Variants in GXYLT2 observed in about 807,000 individuals in gnomAD.
The protein encoded by GXYLT2 is glycosyltransferase 8 domain containing 4.
GXYLT2 carries 53 observed loss-of-function variants against 45.8 expected under a neutral mutation model. That is an observed-to-expected ratio of 1.16 (90% confidence interval 0.93 to 1.46). The LOEUF (loss-of-function observed/expected upper bound fraction) is 1.46, where lower values mean the gene tolerates loss of function less well. GXYLT2 is among the 40% of genes most tolerant of loss of function. The pLI is 0.00. For synonymous variants in GXYLT2, 219 were observed against 214.2 expected (o/e 1.02, Z -0.19); for missense variants, 551 against 544.4 (o/e 1.01, Z -0.12).
intron 6 of GXYLT2, among the ~76,000 whole-genome samples, chr3:72,972,818 G>A (rs565417232): frequency 7.0e-4 from 106 of 151,750 alleles, no homozygotes; most frequent in Non-Finnish European, 1.3e-3. Context: ...CCAGCTACTG[G>A]GTGGGGAGGG....
chr3:72,949,081 A>G (rs955997522), intron 3 of GXYLT2, among the ~76,000 whole-genome samples: 3 of 152,116 alleles, frequency 2.0e-5, no homozygotes, highest in African/African-American at 7.2e-5. Context: ...GCGAGGAAGC[A>G]AGGATGACCT....
In GXYLT2 at chr3:72,957,361, T is replaced by G; in HGVS notation, c.976+9T>G. On this transcript the variant is annotated intron_variant, in intron 5 of 6. Coordinates refer to ENST00000389617, the MANE Select transcript of GXYLT2 (RefSeq NM_001080393.2). ...TTTTTATTTCAACCCAGGTAGGTTATCTTTGGAGAATGCCTTTTGTGTAGG... is the reference window on the plus strand; with the variant it reads ...TTTTTATTTCAACCCAGGTAGGTTAGCTTTGGAGAATGCCTTTTGTGTAGG... 1 of 1,593,176 alleles carries G rather than the reference T, an allele frequency of 6.3e-7. No homozygotes were observed. The highest frequency in any genetic ancestry group is 2.3e-5 in the East Asian group (1 of 43,354).
intron 1 of GXYLT2, among the ~76,000 whole-genome samples, chr3:72,898,199 T>C (rs1281751975): frequency 6.6e-6 from 1 of 152,214 alleles, no homozygotes; most frequent in Non-Finnish European, 1.5e-5. Flanking sequence ...AATCCCTTGA[T>C]GGCCTGAGGC....
At chr3:72,910,930 C>A (rs1709605026) in intron 2 of GXYLT2, among the ~76,000 whole-genome samples, 1 of 152,118 alleles carries the variant, frequency 6.6e-6, no homozygotes, top group Non-Finnish European at 1.5e-5. Context: ...TTAATGAGTA[C>A]CTGCTGCATA....
At chr3:72,947,981 G>T (rs940316428) in intron 3 of GXYLT2, among the ~76,000 whole-genome samples, 7 of 152,114 alleles carry the variant, frequency 4.6e-5, no homozygotes, top group African/African-American at 1.4e-4. Flanking sequence ...TCATAACAAA[G>T]CTTCCAGTTC....
At chr3:72,928,786 A>AG (rs1290706353) in intron 3 of GXYLT2, among the ~76,000 whole-genome samples, 1 of 9,408 alleles carries the variant, frequency 1.1e-4, no homozygotes, top group Non-Finnish European at 1.6e-4. Flanking sequence ...AAATAACTCC[A>AG]AAAAAAAACC....
intron 3 of GXYLT2, among the ~76,000 whole-genome samples, chr3:72,938,224 G>GATGGATGT (rs1225679701): frequency 6.7e-4 from 102 of 152,332 alleles, no homozygotes; most frequent in African/African-American, 2.4e-3. Context: ...TGGAAGGAAA[G>GATGGATGT]ATGGATGTAT....
At chr3:72,972,786 C>T (rs1711015762) in intron 6 of GXYLT2, among the ~76,000 whole-genome samples, 2 of 141,772 alleles carry the variant, frequency 1.4e-5, no homozygotes, top group Admixed American at 7.0e-5. Flanking sequence ...AAAAATTAGC[C>T]TGGTGGCACA....
At chr3:72,966,842 C>T (rs55791351) in intron 5 of GXYLT2, among the ~76,000 whole-genome samples, 60,251 of 151,814 alleles carry the variant, frequency 0.4, 14,855 homozygotes, top group Non-Finnish European at 0.55. Context: ...CCAGACTGAT[C>T]TCAAACTCCT....
At chr3:72,923,109 G>A (rs1339780697) in intron 3 of GXYLT2, among the ~76,000 whole-genome samples, 1 of 152,140 alleles carries the variant, frequency 6.6e-6, no homozygotes, top group African/African-American at 2.4e-5. Context: ...ACAAAAATTA[G>A]CCAGGCTTGG....
intron 1 of GXYLT2, among the ~76,000 whole-genome samples, chr3:72,896,455 C>T (rs1203858337): frequency 1.3e-5 from 2 of 152,072 alleles, no homozygotes; most frequent in Non-Finnish European, 2.9e-5. Flanking sequence ...TTCAAGCAGC[C>T]TTTTCTTGTG....
chr3:72,949,516 T>C (rs922103594), intron 3 of GXYLT2, among the ~76,000 whole-genome samples: 1 of 127,524 alleles, frequency 7.8e-6, no homozygotes, highest in Non-Finnish European at 1.7e-5. Context: ...TTTTTTTTTT[T>C]TTTTTTTTTT....
intron 2 of GXYLT2, among the ~76,000 whole-genome samples, chr3:72,917,940 G>A (rs1048596111): frequency 6.6e-6 from 1 of 151,996 alleles, no homozygotes; most frequent in Admixed American, 6.6e-5. Context: ...CATCAGAAAT[G>A]GGATCTCTTT....
intron 5 of GXYLT2, among the ~76,000 whole-genome samples, chr3:72,965,016 G>C (rs1175843591): frequency 1.3e-5 from 2 of 152,206 alleles, no homozygotes; most frequent in East Asian, 3.8e-4. Flanking sequence ...AGGTCAGGCA[G>C]CTAATAGAGG....
chr3:72,904,830 G>A (rs140238832), intron 1 of GXYLT2, among the ~76,000 whole-genome samples: 32 of 147,980 alleles, frequency 2.2e-4, no homozygotes, highest in Admixed American at 1.8e-3. Flanking sequence ...CACTTGAGGC[G>A]AGGCATTCGA....
At chr3:72,961,719 CTT>C (rs1418875474) in intron 5 of GXYLT2, among the ~76,000 whole-genome samples, 2 of 149,760 alleles carry the variant, frequency 1.3e-5, no homozygotes, top group Admixed American at 1.3e-4. Context: ...ACTGAATTCT[CTT>C]TAATTTGGGA....
At chr3:72,937,391 A>G (rs1710206285) in intron 3 of GXYLT2, among the ~76,000 whole-genome samples, 1 of 152,226 alleles carries the variant, frequency 6.6e-6, no homozygotes, top group Admixed American at 6.5e-5. Flanking sequence ...ATATGTCTTC[A>G]GGACATAACA....
rs533090734 is a variant in GXYLT2, at chr3:72,905,013, T to C, written c.276-3354T>C. Among the ~76,000 whole-genome samples, 457 of 128,642 alleles carry C rather than the reference T, an allele frequency of 3.6e-3. 2 individuals carry two copies. In the South Asian group the frequency reaches 0.052, roughly 15 times the overall value. The allele number at this position is 128,642 out of a possible 152,430, so 84.4% of individuals were successfully genotyped here. ...GCAGTGAGCTGAGGTTGCAGTGAGC[T>C]GAAATTGCACCACTGCACTCCAGCC... is the stretch of plus-strand genomic sequence containing the variant. On this transcript the variant is annotated intron_variant, in intron 1 of 6. Coordinates refer to ENST00000389617, the MANE Select transcript of GXYLT2 (RefSeq NM_001080393.2).
intron 5 of GXYLT2, among the ~76,000 whole-genome samples, chr3:72,965,466 T>TTCTCATGA (rs759022642): frequency 4.6e-5 from 7 of 152,228 alleles, no homozygotes; most frequent in Non-Finnish European, 1.0e-4. Context: ...CACAGGGTCT[T>TTCTCATGA]TCTCATGATC....
Sources: gnomAD v4.1 joint callset for allele counts (sites outside exome capture counted in the v4.1 genomes callset) on GRCh38, gnomAD v4.1.1 for gene constraint, MANE v1.5 for transcripts, NCBI Gene and HGNC (gene_info 2026-07-23, HGNC 2026-07-21) for gene names.